ADAM32: variants seen among roughly 807,000 people sequenced by gnomAD.
The protein encoded by ADAM32 is ADAM metallopeptidase domain 32.
ADAM32 carries 89 observed loss-of-function variants against 114.9 expected under a neutral mutation model. The ratio of observed to expected loss-of-function variants is 0.77; its 90% confidence interval spans 0.65 to 0.92. The LOEUF (loss-of-function observed/expected upper bound fraction) is 0.92, where lower values mean the gene tolerates loss of function less well. Ranked by LOEUF, ADAM32 falls within the 40% of genes least tolerant of loss-of-function variation. The pLI is 0.00. For synonymous variants in ADAM32, 285 were observed against 307.5 expected, an observed-to-expected ratio of 0.93 and a Z score of 0.77; for missense variants, 870 against 932.8, an observed-to-expected ratio of 0.93 and a Z score of 0.88.
intron 3 of ADAM32, among the ~76,000 whole-genome samples, chr8:39,144,117 T>G (rs892238157): frequency 6.6e-6 from 1 of 152,164 alleles, no homozygotes; most frequent in Non-Finnish European, 1.5e-5. Flanking sequence ...TTTCTCCAGG[T>G]ACAGTCTGTC....
At chr8:39,136,577 A>G in intron 2 of ADAM32, 80 bp from the exon 3 acceptor site, 1 of 860,164 alleles carries the variant, frequency 1.2e-6, no homozygotes, top group Non-Finnish European at 1.8e-6. Context: ...CATTGTTTGG[A>G]CAGATTAATT....
chr8:39,163,245 T>G (rs1804622053), intron 7 of ADAM32, among the ~76,000 whole-genome samples: 2 of 152,212 alleles, frequency 1.3e-5, no homozygotes, highest in South Asian at 2.1e-4. Context: ...TCAGGTATAT[T>G]GAAGCCAACA....
At chr8:39,217,488 T>A (rs1382669979) in intron 12 of ADAM32, among the ~76,000 whole-genome samples, 1 of 151,920 alleles carries the variant, frequency 6.6e-6, no homozygotes, top group Non-Finnish European at 1.5e-5. Context: ...TTAAGGCCAA[T>A]AACTCCTAGA....
rs555652031 is a variant in ADAM32 at position 39,276,770 on chromosome 8, A to G, written c.2279+904A>G. Among the ~76,000 whole-genome samples, 4 of 152,184 alleles carry G rather than the reference A, an allele frequency of 2.6e-5. No homozygotes were observed. The East Asian group carries it at 5.8e-4, about 22-fold the overall frequency. On this transcript the variant is annotated intron_variant, in intron 22 of 24. Coordinates refer to ENST00000379907, the MANE Select transcript of ADAM32 (RefSeq NM_145004.7). ...TATCTTTAAAATTTTGATTTTTATT[A>G]TCATGTCTGTTCTTATTATTGTGAG...
chr8:39,150,323 T>G (rs1803747312), intron 5 of ADAM32, among the ~76,000 whole-genome samples: 1 of 152,112 alleles, frequency 6.6e-6, no homozygotes, highest in Non-Finnish European at 1.5e-5. Context: ...TAGGGTAATC[T>G]TTTATCTTCT....
At chr8:39,125,658 C>T (rs1802069113) in intron 2 of ADAM32, among the ~76,000 whole-genome samples, 1 of 152,084 alleles carries the variant, frequency 6.6e-6, no homozygotes, top group South Asian at 2.1e-4. Context: ...TCTTTTGCCC[C>T]ACAGAAGCTT....
chr8:39,279,422 T>G (rs1405174406), intron 22 of ADAM32, among the ~76,000 whole-genome samples: 1 of 152,220 alleles, frequency 6.6e-6, no homozygotes, highest in African/African-American at 2.4e-5. Flanking sequence ...TAGCTGGGCT[T>G]ACAGGCACCT....
intron 2 of ADAM32, among the ~76,000 whole-genome samples, chr8:39,129,397 CA>C (rs1802308337): frequency 1.3e-5 from 2 of 151,956 alleles, no homozygotes; most frequent in Non-Finnish European, 2.9e-5. Flanking sequence ...CCAAATTTGT[CA>C]AATTTTATTG....
Position 39,186,936 on chromosome 8 carries a change from T to C in ADAM32, c.943T>C (p.Phe315Leu), listed in dbSNP as rs1204193409. ...LYPKEITLEA[F>L]AVIVTQMLAL... ...CCCCAAGGAGATAACTCTGGAGGCA[T>C]TTGCAGTTATTGTCACCCAGATGCT... The change falls in exon 11 of 25, where the codon TTT becomes CTT. Residue 315 changes from phenylalanine to leucine, a missense_variant. Phe to Leu is a conservative substitution (Grantham distance 22). Transcript: ENST00000379907. 6 of 1,612,334 alleles carry C rather than the reference T, an allele frequency of 3.7e-6. No homozygotes were observed. Among genetic ancestry groups the C allele is most frequent in the Admixed American group, 1.7e-5 (1 of 59,884 alleles).
chr8:39,238,884 A>AT (rs1810374138), intron 16 of ADAM32, among the ~76,000 whole-genome samples: 1 of 152,016 alleles, frequency 6.6e-6, no homozygotes. Flanking sequence ...AAAATAAAAA[A>AT]TAAAACAATG....
Position 39,283,640 on chromosome 8 carries a change from G to A in ADAM32, c.2357+16G>A, listed in dbSNP as rs1813587740. Reference sequence around the variant, plus strand: ...AAAGCAGTAGGTAAGTATATTAGAAGGTGTTTCTTAAAATAAATACATGTA... The same window carrying A: ...AAAGCAGTAGGTAAGTATATTAGAAAGTGTTTCTTAAAATAAATACATGTA... On this transcript the variant is annotated intron_variant, in intron 24 of 24. Coordinates refer to ENST00000379907, the MANE Select transcript of ADAM32 (RefSeq NM_145004.7). The A allele has an allele frequency of 6.3e-7, 1 of 1,578,056 alleles. No homozygotes were observed. The highest frequency in any genetic ancestry group is 8.7e-7 in the Non-Finnish European group (1 of 1,154,016).
chr8:39,111,720 CAAAAAAAAAAAAAAAA>C (rs11343568), intron 1 of ADAM32, among the ~76,000 whole-genome samples: 2 of 78,302 alleles, frequency 2.6e-5, no homozygotes, highest in Non-Finnish European at 4.9e-5. Flanking sequence ...GACTCTTTCT[CAAAAAAAAAAAAAAAA>C]AAAAAAGGAA....
chr8:39,208,616 A>G (rs1034595604), intron 11 of ADAM32, among the ~76,000 whole-genome samples: 2 of 152,120 alleles, frequency 1.3e-5, no homozygotes, highest in Non-Finnish European at 2.9e-5. Context: ...CATTGGTCTA[A>G]GAGTTTTGAA....
At chr8:39,116,800 T>A (rs1390833147) in intron 1 of ADAM32, among the ~76,000 whole-genome samples, 1 of 152,184 alleles carries the variant, frequency 6.6e-6, no homozygotes, top group African/African-American at 2.4e-5. Flanking sequence ...AGAGTGGGCA[T>A]CCTTGTCTTG....
intron 6 of ADAM32, among the ~76,000 whole-genome samples, chr8:39,155,736 CTA>C (rs1804103326): frequency 6.6e-6 from 1 of 152,122 alleles, no homozygotes; most frequent in Admixed American, 6.5e-5. Flanking sequence ...TATATGTCTT[CTA>C]TCTTTTTTTG....
chr8:39,201,774 T>C (rs1227603261), intron 11 of ADAM32, among the ~76,000 whole-genome samples: 1 of 152,218 alleles, frequency 6.6e-6, no homozygotes, highest in Non-Finnish European at 1.5e-5. Context: ...TTGTCATAAA[T>C]AGCTCTTATT....
intron 16 of ADAM32, among the ~76,000 whole-genome samples, chr8:39,236,532 A>C (rs1358609121): frequency 6.6e-6 from 1 of 152,182 alleles, no homozygotes; most frequent in Admixed American, 6.5e-5. Context: ...TTCACAGCAA[A>C]AATTGAGTGA....
chr8:39,254,539 A>G, intron 18 of ADAM32, 23 bp downstream of exon 18: 2 of 1,487,386 alleles, frequency 1.3e-6, no homozygotes, highest in Admixed American at 2.2e-5. Context: ...CTCTTTAAAT[A>G]CCCATTTAAT....
chr8:39,110,991 A>G (rs1344165126), intron 1 of ADAM32, among the ~76,000 whole-genome samples: 1 of 152,244 alleles, frequency 6.6e-6, no homozygotes, highest in Admixed American at 6.5e-5. Context: ...ATGGAATCAT[A>G]CAAAATATGA....
Sources: gnomAD v4.1 joint callset for allele counts (sites outside exome capture counted in the v4.1 genomes callset) on GRCh38, gnomAD v4.1.1 for gene constraint, MANE v1.5 for transcripts, NCBI Gene and HGNC (gene_info 2026-07-23, HGNC 2026-07-21) for gene names.